EIF3H: variants seen among roughly 807,000 people sequenced by gnomAD.
The protein encoded by EIF3H is eukaryotic translation initiation factor 3 subunit H.
A neutral mutation model predicts 44.2 loss-of-function variants in EIF3H; 26 were observed. The ratio of observed to expected loss-of-function variants is 0.59; its 90% CI spans 0.43 to 0.82. The LOEUF is 0.82. Ranked by LOEUF, EIF3H falls within the 40% of genes least tolerant of loss-of-function variation. EIF3H has a pLI of 0.00. For missense variants in EIF3H, 359 were observed against 432.8 expected, an observed-to-expected ratio of 0.83 and a Z score of 1.51; for synonymous variants, 166 against 151.9, an observed-to-expected ratio of 1.09 and a Z score of -0.68.
intron 2 of EIF3H, among the ~76,000 whole-genome samples, chr8:116,709,312 G>T (rs537773835): frequency 6.6e-6 from 1 of 152,080 alleles, no homozygotes; most frequent in Non-Finnish European, 1.5e-5. Flanking sequence ...AAAGGAGCAG[G>T]TCTTATTTTA....
chr8:116,645,124 T>C (rs888239211), intron 7 of EIF3H, 21 bp from the exon 8 acceptor site: 3 of 1,578,930 alleles, frequency 1.9e-6, no homozygotes, highest in African/African-American at 1.3e-5. Flanking sequence ...GAGAAAGAGA[T>C]AGAGCCATAA....
At chr8:116,739,790 T>C (rs1210252605) in intron 1 of EIF3H, among the ~76,000 whole-genome samples, 1 of 152,216 alleles carries the variant, frequency 6.6e-6, no homozygotes, top group Non-Finnish European at 1.5e-5. Flanking sequence ...CTAGCGCCGC[T>C]GGGTTAGGGT....
intron 2 of EIF3H, among the ~76,000 whole-genome samples, chr8:116,674,067 CAAAAAAAAAAAAAAAAAAAA>C (rs59899280): frequency 2.0e-5 from 1 of 49,660 alleles, no homozygotes; most frequent in Non-Finnish European, 3.3e-5. Context: ...AAGACTGTCT[CAAAAAAAAAAAAAAAAAAAA>C]AAAAAAAAGA....
chr8:116,642,239 A>C lies in EIF3H; in HGVS notation c.*2767T>G, dbSNP rs1813234056. ...TGAGTTCGATGCCAGCATGGTTTGA[A>C]AGTGAAGCTGATACAAGTTTTCTAA... On this transcript the variant is annotated 3_prime_UTR_variant, in exon 8 of 8. Coordinates refer to ENST00000521861, the MANE Select transcript of EIF3H (RefSeq NM_003756.3). 6.6e-6 allele frequency: 1 copy of C among 152,176 alleles called. No individual in the cohort carries two copies. The highest frequency in any genetic ancestry group is 1.5e-5 in the Non-Finnish European group (1 of 68,016). 9.4% of individuals were successfully genotyped at this position (152,176 alleles called of 1,614,324 possible).
At chr8:116,758,011 C>T (rs557549136), upstream of EIF3H, among the ~76,000 whole-genome samples, 37 of 152,204 alleles carry the variant, frequency 2.4e-4, no homozygotes, top group African/African-American at 8.4e-4. Flanking sequence ...CGTGAGCCAC[C>T]GCACCTAGCC....
intron 1 of EIF3H, chr8:116,734,239 G>A (rs1156316879): frequency 2.2e-6 from 1 of 453,914 alleles, no homozygotes; most frequent in African/African-American, 2.0e-5. Flanking sequence ...CTAAGAAAAG[G>A]GGAAATGTAA....
intron 6 of EIF3H, among the ~76,000 whole-genome samples, 165 bp from the exon 7 acceptor site, chr8:116,646,768 C>CAAT (rs1402119889): frequency 1.5e-4 from 23 of 152,112 alleles, no homozygotes; most frequent in Admixed American, 8.5e-4. Context: ...CTAAATACGC[C>CAAT]AATAGCAGAA....
At chr8:116,750,155 T>C (rs951634911) in intron 1 of EIF3H, among the ~76,000 whole-genome samples, 1 of 152,292 alleles carries the variant, frequency 6.6e-6, no homozygotes, top group African/African-American at 2.4e-5. Flanking sequence ...AGACCTGGCA[T>C]GTGGTCGGCA....
intron 2 of EIF3H, among the ~76,000 whole-genome samples, chr8:116,680,284 T>G (rs1586452308): frequency 6.2e-5 from 2 of 32,002 alleles, no homozygotes; most frequent in African/African-American, 1.8e-4. Context: ...TACTGGGAAG[T>G]GAGGAGCCCC....
intron 2 of EIF3H, among the ~76,000 whole-genome samples, chr8:116,699,508 T>C (rs541533967): frequency 1.8e-4 from 28 of 152,078 alleles, no homozygotes; most frequent in South Asian, 1.0e-3. Context: ...TGGGTACTTA[T>C]GGACATAAAG....
At chr8:116,753,398 T>C (rs925290692) in intron 1 of EIF3H, among the ~76,000 whole-genome samples, 3 of 152,252 alleles carry the variant, frequency 2.0e-5, no homozygotes, top group Non-Finnish European at 4.4e-5. Context: ...GGTAAGCTTC[T>C]GATTTTTTTT....
chr8:116,732,641 C>T (rs1163652633), intron 1 of EIF3H, among the ~76,000 whole-genome samples: 3 of 105,616 alleles, frequency 2.8e-5, no homozygotes, highest in African/African-American at 1.2e-4. Context: ...GTTATTTTGA[C>T]TTCTTTCATT....
upstream of EIF3H, chr8:116,755,829 T>A (rs764193322): frequency 4.3e-6 from 7 of 1,609,386 alleles, no homozygotes; most frequent in Admixed American, 1.7e-5. Context: ...AAGAGAAACG[T>A]GAGTTACCGG....
At chr8:116,690,277 A>G (rs1814151502) in intron 2 of EIF3H, among the ~76,000 whole-genome samples, 1 of 152,170 alleles carries the variant, frequency 6.6e-6, no homozygotes, top group Non-Finnish European at 1.5e-5. Context: ...AGCAATATAA[A>G]ACTATCAGAT....
At chr8:116,692,807 GA>G (rs1814200922) in intron 2 of EIF3H, among the ~76,000 whole-genome samples, 1 of 152,084 alleles carries the variant, frequency 6.6e-6, no homozygotes, top group African/African-American at 2.4e-5. Flanking sequence ...GAGACACTAA[GA>G]AAACAACAAG....
At chr8:116,658,314 A>T (rs1405450387) in intron 3 of EIF3H, 1 of 152,252 alleles carries the variant, frequency 6.6e-6, no homozygotes, top group Non-Finnish European at 1.5e-5. Context: ...TAAATTGCCT[A>T]CAGTTCTGAT....
At chr8:116,756,611 T>C (rs528124468), upstream of EIF3H, among the ~76,000 whole-genome samples, 1 of 152,338 alleles carries the variant, frequency 6.6e-6, no homozygotes, top group Admixed American at 6.5e-5. Flanking sequence ...TCAATAAATA[T>C]GTATACAGAA....
At chr8:116,750,895 T>C (rs1344323521) in intron 1 of EIF3H, among the ~76,000 whole-genome samples, 1 of 152,118 alleles carries the variant, frequency 6.6e-6, no homozygotes, top group Non-Finnish European at 1.5e-5. Flanking sequence ...AAAATCTGAA[T>C]GTTCACGTTA....
intron 1 of EIF3H, among the ~76,000 whole-genome samples, chr8:116,731,700 A>G (rs1814952797): frequency 6.6e-6 from 1 of 152,200 alleles, no homozygotes; most frequent in Non-Finnish European, 1.5e-5. Flanking sequence ...CCATCTTGAA[A>G]CATTCATGTT....
Sources: gnomAD v4.1 joint callset for allele counts (sites outside exome capture counted in the v4.1 genomes callset) on GRCh38, gnomAD v4.1.1 for gene constraint, MANE v1.5 for transcripts, NCBI Gene and HGNC (gene_info 2026-07-23, HGNC 2026-07-21) for gene names.